Variants in RANBP2 observed in about 807,000 individuals in gnomAD.
RANBP2 encodes E3 SUMO-protein ligase RanBP2.
In RANBP2, 57 loss-of-function variants were observed where a neutral mutation model predicts 303.6. The ratio of observed to expected loss-of-function variants is 0.19; its 90% confidence interval spans 0.15 to 0.23. The LOEUF is 0.23. Among genes scored for constraint, RANBP2 ranks in the 10% least tolerant of loss-of-function variants. RANBP2 has a pLI of 1.00. For missense variants in RANBP2, 3,138 were observed against 3,780.8 expected (o/e 0.83, Z 4.46); for synonymous variants, 1,167 against 1,301.5 (o/e 0.90, Z 2.23).
At chr2:109,519,418 G>A in the RANBP2 span, among the ~76,000 whole-genome samples, 1 of 152,192 alleles carries the variant, frequency 6.6e-6, no homozygotes, top group Non-Finnish European at 1.5e-5. Flanking sequence ...CAAGTTTAAT[G>A]CATATTTGTT....
the RANBP2 span, chr2:109,568,070 G>A: frequency 1.0e-6 from 1 of 980,114 alleles, no homozygotes; most frequent in Non-Finnish European, 1.5e-6. Context: ...TTCTGACAAT[G>A]AATTTCCCTA....
the RANBP2 span, among the ~76,000 whole-genome samples, chr2:109,487,754 G>A: frequency 1.6e-3 from 237 of 152,186 alleles, no homozygotes; most frequent in African/African-American, 5.4e-3. Flanking sequence ...TCTGCCCACC[G>A]AGTCCCTCTC....
chr2:109,431,753 C>A, the RANBP2 span, among the ~76,000 whole-genome samples: 1 of 152,136 alleles, frequency 6.6e-6, no homozygotes, highest in South Asian at 2.1e-4. Context: ...CACCTGTGGT[C>A]CCAGCTGCTT....
In RANBP2 at chr2:108,772,504, C is replaced by G; in HGVS notation, c.8036C>G (p.Thr2679Arg). The G allele has an allele frequency of 6.2e-7, 1 of 1,613,278 alleles. No homozygotes were observed. Among genetic ancestry groups the G allele is most frequent in the Non-Finnish European group, 8.5e-7 (1 of 1,179,528 alleles). The change falls in exon 22 of 29, where the codon ACA (threonine) becomes AGA (arginine). Residue 2679 changes from threonine to arginine, a missense_variant. Thr to Arg is a moderately conservative substitution (Grantham distance 71). Transcript: ENST00000283195. ...GTATTTTAAGATGAAGATTTCGAAA[C>G]AGCTGTCAAGAAACTTAATGGAAAA... ...EEEEDDEDFE[T>R]AVKKLNGKLY...
the RANBP2 span, among the ~76,000 whole-genome samples, chr2:109,622,816 C>T: frequency 6.6e-6 from 1 of 152,144 alleles, no homozygotes; most frequent in African/African-American, 2.4e-5. Flanking sequence ...ATTTGCAACC[C>T]ACTAAAAGAA....
intron 1 of RANBP2, among the ~76,000 whole-genome samples, chr2:108,726,365 G>A (rs1694706829): frequency 6.6e-6 from 1 of 151,818 alleles, no homozygotes; most frequent in East Asian, 1.9e-4. Context: ...AGCAAGAGTA[G>A]CGATGCTGGC....
chr2:108,827,334 C>T, the RANBP2 span, among the ~76,000 whole-genome samples: 6,627 of 151,958 alleles, frequency 0.044, 482 homozygotes, highest in African/African-American at 0.15. Context: ...AATGTATTTA[C>T]AATACCAAAT....
At chr2:108,762,009 A>G (rs1413555736) in intron 18 of RANBP2, 92 bp from the exon 19 acceptor site, 18 of 1,532,990 alleles carry the variant, frequency 1.2e-5, no homozygotes, top group Admixed American at 6.0e-5. Context: ...TTTAATTTCT[A>G]TTGCCTTTGT....
the RANBP2 span, chr2:109,449,562 C>A: frequency 1.3e-6 from 2 of 1,523,834 alleles, no homozygotes; most frequent in Non-Finnish European, 1.8e-6. Context: ...CACTAGATGG[C>A]AGTGGCATTT....
At chr2:109,179,140 G>A in the RANBP2 span, among the ~76,000 whole-genome samples, 1 of 152,060 alleles carries the variant, frequency 6.6e-6, no homozygotes, top group African/African-American at 2.4e-5. Context: ...AAGGAAACGA[G>A]TAGGATGTAC....
intron 4 of RANBP2, chr2:108,731,736 G>A (rs1372647589): frequency 5.4e-6 from 3 of 558,412 alleles, no homozygotes; most frequent in Non-Finnish European, 8.2e-6. Context: ...TGTAAACTAA[G>A]TAGAGCTAAG....
At chr2:109,032,797 G>A in the RANBP2 span, among the ~76,000 whole-genome samples, 2 of 152,214 alleles carry the variant, frequency 1.3e-5, no homozygotes, top group East Asian at 1.9e-4. Context: ...ATTTCCCTCC[G>A]GTTGCACTGC....
chr2:109,613,257 G>T, the RANBP2 span: 1 of 1,112,514 alleles, frequency 9.0e-7, no homozygotes, highest in African/African-American at 1.6e-5. Flanking sequence ...GTGAACAAAC[G>T]CGTTCTTTTA....
At chr2:108,741,486 G>A (rs1375598653) in intron 7 of RANBP2, among the ~76,000 whole-genome samples, 11 of 123,488 alleles carry the variant, frequency 8.9e-5, no homozygotes, top group African/African-American at 9.3e-5. Flanking sequence ...GCAAGCCACT[G>A]CGCCTGGCCT....
chr2:109,011,619 A>G, the RANBP2 span, among the ~76,000 whole-genome samples: 32 of 152,198 alleles, frequency 2.1e-4, no homozygotes, highest in East Asian at 9.7e-4. Flanking sequence ...TCCTCTCTCT[A>G]TGGAACTGCT....
chr2:109,261,764 G>C, the RANBP2 span, among the ~76,000 whole-genome samples: 1 of 152,158 alleles, frequency 6.6e-6, no homozygotes, highest in Non-Finnish European at 1.5e-5. Context: ...TCAAGCCTTT[G>C]TCATGGATTT....
chr2:109,314,279 A>G, the RANBP2 span, among the ~76,000 whole-genome samples: 1 of 152,134 alleles, frequency 6.6e-6, no homozygotes, highest in Non-Finnish European at 1.5e-5. Context: ...ATGTTTTAGG[A>G]GAAAGTTTTA....
At chr2:109,274,710 C>T in the RANBP2 span, among the ~76,000 whole-genome samples, 1 of 151,846 alleles carries the variant, frequency 6.6e-6, no homozygotes, top group Non-Finnish European at 1.5e-5. Flanking sequence ...AGATAGAGGT[C>T]GTGGCTGCAT....
At chr2:109,458,342 T>C in the RANBP2 span, among the ~76,000 whole-genome samples, 2 of 152,292 alleles carry the variant, frequency 1.3e-5, no homozygotes, top group South Asian at 4.2e-4. Flanking sequence ...TGCTATAGGA[T>C]TTCTTTGTAA....
Sources: gnomAD v4.1 joint callset for allele counts (sites outside exome capture counted in the v4.1 genomes callset) on GRCh38, gnomAD v4.1.1 for gene constraint, MANE v1.5 for transcripts, NCBI Gene and HGNC (gene_info 2026-07-23, HGNC 2026-07-21) for gene names.